GFRA2: variants seen among roughly 807,000 people sequenced by gnomAD.
GFRA2 encodes the protein GDNF family receptor alpha-2.
Under a neutral mutation model 48.3 loss-of-function variants are expected in GFRA2, and 17 were observed. The ratio of observed to expected loss-of-function variants is 0.35; its 90% CI spans 0.24 to 0.53. The LOEUF is 0.53. Among genes scored for constraint, GFRA2 ranks in the 20% least tolerant of loss-of-function variants. GFRA2 has a pLI of 0.93. For missense variants in GFRA2, 660 were observed against 637.3 expected (o/e 1.04, Z -0.38); for synonymous variants, 305 against 257.2 (o/e 1.19, Z -1.78).
chr8:21,806,656 G>C (rs564707926), intron 1 of GFRA2, among the ~76,000 whole-genome samples: 1 of 152,230 alleles, frequency 6.6e-6, no homozygotes, highest in East Asian at 1.9e-4. Context: ...TTGTAGAGAT[G>C]GGGTCTTGCC....
intron 4 of GFRA2, among the ~76,000 whole-genome samples, chr8:21,749,124 G>A (rs1227853564): frequency 6.6e-6 from 1 of 151,892 alleles, no homozygotes; most frequent in Non-Finnish European, 1.5e-5. Flanking sequence ...ACCAAGAACT[G>A]CACACAACAG....
At chr8:21,726,948 C>T (rs924386683) in intron 4 of GFRA2, among the ~76,000 whole-genome samples, 3 of 152,000 alleles carry the variant, frequency 2.0e-5, no homozygotes, top group Non-Finnish European at 4.4e-5. Context: ...GACTGCGTTT[C>T]ACCATGTTGA....
chr8:21,720,166 A>G (rs1291076963), intron 4 of GFRA2, among the ~76,000 whole-genome samples: 2 of 152,138 alleles, frequency 1.3e-5, no homozygotes, highest in African/African-American at 4.8e-5. Flanking sequence ...TTCCTGACAC[A>G]TAACGTATGG....
intron 4 of GFRA2, among the ~76,000 whole-genome samples, chr8:21,709,680 G>T (rs1428987329): frequency 6.6e-6 from 1 of 152,076 alleles, no homozygotes; most frequent in East Asian, 1.9e-4. Flanking sequence ...CAGACCAGAG[G>T]GCCCACACAC....
intron 3 of GFRA2, among the ~76,000 whole-genome samples, chr8:21,759,413 G>A (rs1448690543): frequency 1.5e-5 from 1 of 66,174 alleles, no homozygotes; most frequent in Non-Finnish European, 2.8e-5. Flanking sequence ...AGAGAGAGAG[G>A]GAAAGAGGGA....
At chr8:21,725,185 A>C (rs1445903636) in intron 4 of GFRA2, among the ~76,000 whole-genome samples, 1 of 152,212 alleles carries the variant, frequency 6.6e-6, no homozygotes, top group Non-Finnish European at 1.5e-5. Context: ...AACTAATACC[A>C]GTTCATCCCA....
intron 3 of GFRA2, among the ~76,000 whole-genome samples, chr8:21,771,845 G>A (rs1806451726): frequency 6.6e-6 from 1 of 152,082 alleles, no homozygotes. Flanking sequence ...ACAGAGAAGT[G>A]AAGGGGGCAG....
At chr8:21,801,613 G>C (rs1413522857) in intron 2 of GFRA2, among the ~76,000 whole-genome samples, 15 of 132,258 alleles carry the variant, frequency 1.1e-4, no homozygotes, top group African/African-American at 4.3e-4. Flanking sequence ...GCTTCCCCTT[G>C]GTTCAATGGA....
At chr8:21,736,306 T>C (rs1362319583) in intron 4 of GFRA2, among the ~76,000 whole-genome samples, 1 of 151,986 alleles carries the variant, frequency 6.6e-6, no homozygotes, top group Non-Finnish European at 1.5e-5. Flanking sequence ...ACAATGTATT[T>C]AGAGAGAAAA....
At chr8:21,801,166 A>C (rs17141511) in intron 2 of GFRA2, among the ~76,000 whole-genome samples, 16,845 of 152,010 alleles carry the variant, frequency 0.11, 1,196 homozygotes, top group African/African-American at 0.2. Flanking sequence ...TGCTGCCCAC[A>C]GTCCTCGCCA....
intron 4 of GFRA2, among the ~76,000 whole-genome samples, chr8:21,717,141 A>G (rs1803375350): frequency 6.6e-6 from 1 of 152,248 alleles, no homozygotes; most frequent in Non-Finnish European, 1.5e-5. Context: ...GTTATACAAG[A>G]ATCAAGAATT....
chr8:21,787,107 G>C (rs1005443877), intron 1 of GFRA2, among the ~76,000 whole-genome samples: 5 of 152,108 alleles, frequency 3.3e-5, no homozygotes, highest in African/African-American at 1.2e-4. Flanking sequence ...GCAAACAACC[G>C]CCTTTCCTCA....
upstream of GFRA2, among the ~76,000 whole-genome samples, chr8:21,791,508 T>C (rs1374748727): frequency 1.3e-5 from 2 of 150,716 alleles, no homozygotes; most frequent in Admixed American, 6.6e-5. Flanking sequence ...AAAAATGGCA[T>C]CATCCCTTAT....
In GFRA2 at chr8:21,699,958, C is replaced by T. The variant is rs527430559; in HGVS notation, c.1218+2847G>A. On this transcript the variant is annotated intron_variant, in intron 7 of 8. Transcript: ENST00000524240. The stretch of plus-strand genomic sequence containing the variant: ...TGGCCTAGCAGGGGAGAGGAGAACA[C>T]ATCACGATGGGGCCATGAACACGCA... Among the ~76,000 whole-genome samples, 74 of 152,306 alleles carry T rather than the reference C, an allele frequency of 4.9e-4. 1 individual carries two copies. In the South Asian group the frequency reaches 0.015, roughly 31 times the overall value.
chr8:21,794,444 T>G (rs1275128559), intron 2 of GFRA2, among the ~76,000 whole-genome samples: 2 of 151,836 alleles, frequency 1.3e-5, no homozygotes, highest in African/African-American at 2.4e-5. Flanking sequence ...AGAGACAAGG[T>G]TTCACCATGT....
intron 2 of GFRA2, among the ~76,000 whole-genome samples, chr8:21,802,519 T>C (rs954612327): frequency 6.6e-6 from 1 of 152,134 alleles, no homozygotes; most frequent in South Asian, 2.1e-4. Context: ...CATGTCCGGC[T>C]AATTTTTTAA....
chr8:21,723,346 G>A (rs1447411379), intron 4 of GFRA2, among the ~76,000 whole-genome samples: 1 of 152,148 alleles, frequency 6.6e-6, no homozygotes, highest in Non-Finnish European at 1.5e-5. Context: ...CAGGAGACAG[G>A]ATATAGAAGT....
chr8:21,784,938 G>A (rs372861405), intron 1 of GFRA2, among the ~76,000 whole-genome samples: 3 of 152,092 alleles, frequency 2.0e-5, no homozygotes, highest in South Asian at 2.1e-4. Flanking sequence ...GAGTTGACAC[G>A]GCCCCGCCTG....
At chr8:21,777,692 C>G (rs1170598818) in intron 2 of GFRA2, among the ~76,000 whole-genome samples, 1 of 152,204 alleles carries the variant, frequency 6.6e-6, no homozygotes, top group African/African-American at 2.4e-5. Context: ...TGTGTAAAAA[C>G]TGGTGGTGGT....
Sources: allele counts gnomAD v4.1 joint callset (sites outside exome capture counted in the v4.1 genomes callset), GRCh38; gene constraint gnomAD v4.1.1; transcripts MANE v1.5; gene names NCBI Gene and HGNC (gene_info 2026-07-23, HGNC 2026-07-21).